SLF1: variants seen among roughly 807,000 people sequenced by gnomAD.
SLF1 encodes the protein SMC5/6 complex localization factor 1, also known as SMC5-SMC6 complex localization factor protein 1.
Under a neutral mutation model 123.0 loss-of-function variants are expected in SLF1, and 105 were observed. The observed-to-expected ratio is 0.85, with a 90% confidence interval of 0.73 to 1.00. The LOEUF is 1.00. Among genes scored for constraint, SLF1 ranks in the 50% least tolerant of loss-of-function variants. SLF1 has a pLI of 0.00. For missense variants in SLF1, 1,239 were observed against 1,223.0 expected, an observed-to-expected ratio of 1.01 and a Z score of -0.20; for synonymous variants, 434 against 406.6, an observed-to-expected ratio of 1.07 and a Z score of -0.81.
At chr5:94,656,897 T>C (rs1178521913) in intron 9 of SLF1, among the ~76,000 whole-genome samples, 1 of 151,246 alleles carries the variant, frequency 6.6e-6, no homozygotes, top group East Asian at 1.9e-4. Context: ...TAATGGCTTA[T>C]TGATTTTGTT....
intron 14 of SLF1, 82 bp from the exon 15 acceptor site, chr5:94,678,726 C>G: frequency 7.6e-7 from 1 of 1,311,416 alleles, no homozygotes; most frequent in Non-Finnish European, 1.1e-6. Flanking sequence ...TGTTTTGCCC[C>G]TCAAAAAGTA....
At chr5:94,618,866 C>T (rs1791282023) in intron 1 of SLF1, 101 bp downstream of exon 1, 1 of 154,930 alleles carries the variant, frequency 6.5e-6, no homozygotes, top group Non-Finnish European at 1.5e-5. Context: ...GGCTGTGAGG[C>T]TAGGAAGGAA....
chr5:94,676,623 C>A (rs1021821394), intron 14 of SLF1, among the ~76,000 whole-genome samples: 2 of 152,164 alleles, frequency 1.3e-5, no homozygotes, highest in African/African-American at 4.8e-5. Flanking sequence ...TCCTCAGCCC[C>A]ACACTTGAGG....
At chr5:94,632,871 A>T (rs895696862) in intron 4 of SLF1, among the ~76,000 whole-genome samples, 10 of 151,222 alleles carry the variant, frequency 6.6e-5, no homozygotes, top group Non-Finnish European at 1.0e-4. Context: ...TGTATTTTTT[A>T]GTACAGGTGG....
chr5:94,670,762 T>C, intron 13 of SLF1, 81 bp from the exon 14 acceptor site: 1 of 1,030,368 alleles, frequency 9.7e-7, no homozygotes, highest in Non-Finnish European at 1.4e-6. Flanking sequence ...TTGCTAGCAT[T>C]TTTTTTGACA....
At chr5:94,634,515 TTCTA>T (rs1745539010) in intron 4 of SLF1, among the ~76,000 whole-genome samples, 1 of 152,230 alleles carries the variant, frequency 6.6e-6, no homozygotes, top group Admixed American at 6.5e-5. Flanking sequence ...ATTTCTCTCT[TTCTA>T]AAGTCTACAT....
chr5:94,651,565 TTACTC>T (rs1358835422), intron 6 of SLF1, 132 bp from the exon 7 acceptor site: 6 of 540,164 alleles, frequency 1.1e-5, no homozygotes, highest in Admixed American at 4.3e-5. Context: ...AGAGGGTTCT[TTACTC>T]TATTTAACCT....
intron 4 of SLF1, among the ~76,000 whole-genome samples, chr5:94,641,191 C>A (rs1331151548): frequency 1.3e-5 from 2 of 148,832 alleles, no homozygotes; most frequent in Non-Finnish European, 3.0e-5. Flanking sequence ...GCCCGCCCCA[C>A]CCCCCCACAA....
At chr5:94,693,487 G>A (rs1011925128) in intron 20 of SLF1, among the ~76,000 whole-genome samples, 4 of 152,048 alleles carry the variant, frequency 2.6e-5, no homozygotes, top group African/African-American at 9.6e-5. Context: ...TCTTAGTGGA[G>A]AATAGTAAAG....
Position 94,651,693 on chromosome 5 carries a change from AAC to A in SLF1, c.739-6_739-5del. The A allele has an allele frequency of 2.6e-6, 4 of 1,515,948 alleles. No individual in the cohort carries two copies. The highest frequency in any genetic ancestry group is 2.3e-5 in the Admixed American group (1 of 44,074). 93.9% of individuals were successfully genotyped at this position (1,515,948 alleles called of 1,614,324 possible). ...CAGTCTTAACTAAATTATGTTTACA[AAC>A]ACGCAGAAAGAAATGCAAAATCATG... On this transcript the variant is annotated splice_polypyrimidine_tract_variant and splice_region_variant and intron_variant, in intron 6 of 20. Transcript: ENST00000265140.
At chr5:94,692,795 G>A (rs1302799169) in intron 20 of SLF1, among the ~76,000 whole-genome samples, 1 of 152,144 alleles carries the variant, frequency 6.6e-6, no homozygotes, top group Non-Finnish European at 1.5e-5. Flanking sequence ...GGTGATAACT[G>A]TTATGCAGGG....
intron 20 of SLF1, 96 bp from the exon 21 acceptor site, chr5:94,694,735 A>C: frequency 7.1e-7 from 1 of 1,415,064 alleles, no homozygotes; most frequent in Non-Finnish European, 9.4e-7. Context: ...GATTGCAAAG[A>C]AAGCACTGGA....
intron 9 of SLF1, among the ~76,000 whole-genome samples, chr5:94,655,203 G>A (rs1186962859): frequency 2.0e-5 from 3 of 152,066 alleles, no homozygotes; most frequent in African/African-American, 4.8e-5. Flanking sequence ...CCTTTCCCCC[G>A]TGAGTGTTCT....
At chr5:94,683,917 G>GT (rs1162659632) in intron 15 of SLF1, among the ~76,000 whole-genome samples, 1 of 152,150 alleles carries the variant, frequency 6.6e-6, no homozygotes, top group Non-Finnish European at 1.5e-5. Context: ...CCTATATACT[G>GT]TAAGGACTAC....
At chr5:94,675,311 A>C (rs951657303) in intron 14 of SLF1, among the ~76,000 whole-genome samples, 4 of 152,200 alleles carry the variant, frequency 2.6e-5, no homozygotes, top group African/African-American at 9.6e-5. Flanking sequence ...TTCTAAGGTA[A>C]ATATATATCA....
intron 20 of SLF1, among the ~76,000 whole-genome samples, chr5:94,693,987 T>C (rs1280313394): frequency 6.6e-6 from 1 of 151,910 alleles, no homozygotes; most frequent in Non-Finnish European, 1.5e-5. Context: ...TCTCTCTTTC[T>C]GACAATATGA....
intron 18 of SLF1, among the ~76,000 whole-genome samples, chr5:94,690,184 T>C (rs1490562689): frequency 6.6e-6 from 1 of 152,188 alleles, no homozygotes; most frequent in Non-Finnish European, 1.5e-5. Flanking sequence ...CTCTTTTACT[T>C]AGCCACCTCA....
rs1405612572 is a variant in SLF1, at chr5:94,692,057, C to T, written c.2513-17C>T. 3 of 1,610,756 alleles carry T rather than the reference C, an allele frequency of 1.9e-6. No homozygotes were observed. The highest frequency in any genetic ancestry group is 4.5e-5 in the East Asian group (2 of 44,834). On this transcript the variant is annotated splice_polypyrimidine_tract_variant and intron_variant, in intron 19 of 20. Coordinates refer to ENST00000265140, the MANE Select transcript of SLF1 (RefSeq NM_032290.4). ...CTACTTCTGCTGTTTTAAAACTTGC[C>T]TTGATTTCTAATTTAGACAATGCTG...
At position 94,628,922 on chromosome 5, in the gene SLF1, G is replaced by C. The variant is rs1032224557; in HGVS notation, c.112G>C (p.Glu38Gln). ...ACTAGATTGCACTTTTATTAAGAGTGAGGTAAGAAACTTATCAAAATGTTC... is the reference window on the plus strand; with the variant it reads ...ACTAGATTGCACTTTTATTAAGAGTCAGGTAAGAAACTTATCAAAATGTTC... ...LKLDCTFIKSEKYKNCTHLIA... is the reference protein window; with the variant it reads ...LKLDCTFIKSQKYKNCTHLIA... Residue 38 changes from glutamate to glutamine, a missense_variant and splice_region_variant, in exon 2 of 21, where the codon GAG becomes CAG. By Grantham distance (29) the Glu-to-Gln change is conservative. Transcript: ENST00000265140. The C allele has an allele frequency of 1.1e-5, 17 of 1,534,444 alleles. No individual in the cohort carries two copies. The highest frequency in any genetic ancestry group is 1.5e-5 in the Non-Finnish European group (17 of 1,136,546).
Sources: gnomAD v4.1 joint callset for allele counts (sites outside exome capture counted in the v4.1 genomes callset) on GRCh38, gnomAD v4.1.1 for gene constraint, MANE v1.5 for transcripts, NCBI Gene and HGNC (gene_info 2026-07-23, HGNC 2026-07-21) for gene names.